SNX29: variants seen among roughly 807,000 people sequenced by gnomAD.
SNX29 encodes sorting nexin 29, also known as sorting nexin-29.
SNX29 carries 78 observed loss-of-function variants against 102.1 expected under a neutral mutation model. That is an observed-to-expected ratio of 0.76 (90% CI 0.64 to 0.92). The LOEUF (loss-of-function observed/expected upper bound fraction) is 0.92, where lower values mean the gene tolerates loss of function less well. SNX29 is among the 40% of genes least tolerant of loss of function. The pLI, the probability that SNX29 is intolerant of heterozygous loss-of-function variation, is 0.00. For missense variants in SNX29, 1,280 were observed against 1,061.7 expected, an observed-to-expected ratio of 1.21 and a Z score of -2.86; for synonymous variants, 580 against 414.5, an observed-to-expected ratio of 1.40 and a Z score of -4.85.
chr16:12,507,899 C>G lies in SNX29; in HGVS notation c.2179-16803C>G, dbSNP rs188161421. ...ATGGCACCAGGCACACGGTCAAGGC[C>G]AAGTCAAGGGCTTTTAATTGAATGG... is the stretch of plus-strand genomic sequence containing the variant. On this transcript the variant is annotated intron_variant, in intron 19 of 20. Transcript: ENST00000566228. 3.9e-4 allele frequency among the ~76,000 whole-genome samples: 59 copies of G among 152,270 alleles called. 1 individual carries two copies. Among genetic ancestry groups the G allele is most frequent in the South Asian group, 2.1e-4 (1 of 4,826 alleles).
rs1049527313 is a variant in SNX29 at position 12,070,589 on chromosome 16, C to T, written c.1319+1457C>T. Among the ~76,000 whole-genome samples the T allele has an allele frequency of 5.9e-5, 9 of 151,650 alleles. No homozygotes were observed. The East Asian group carries it at 9.6e-4, about 16-fold the overall frequency. ...ATCCAGTCTATCTTTGTTGGACATTCGGGTTGGTTCCAAGTCTTTGCTATT... is the reference window on the plus strand; with the variant it reads ...ATCCAGTCTATCTTTGTTGGACATTTGGGTTGGTTCCAAGTCTTTGCTATT... On this transcript the variant is annotated intron_variant, in intron 10 of 20. Transcript: ENST00000566228.
At chr16:12,327,757 A>G (rs975783730) in intron 15 of SNX29, among the ~76,000 whole-genome samples, 3 of 152,130 alleles carry the variant, frequency 2.0e-5, no homozygotes, top group African/African-American at 7.2e-5. Flanking sequence ...ACCAGAAGTC[A>G]GGCTGTTGAT....
At chr16:12,208,166 A>G (rs1405489370) in intron 14 of SNX29, among the ~76,000 whole-genome samples, 1 of 152,172 alleles carries the variant, frequency 6.6e-6, no homozygotes, top group Admixed American at 6.5e-5. Flanking sequence ...CACTCTGCTC[A>G]CATTCCATGG....
intron 15 of SNX29, among the ~76,000 whole-genome samples, chr16:12,354,664 G>A (rs1347484182): frequency 1.3e-5 from 2 of 152,192 alleles, no homozygotes; most frequent in Non-Finnish European, 2.9e-5. Context: ...CGTGGTGAAT[G>A]GATTCACAGC....
intron 11 of SNX29, among the ~76,000 whole-genome samples, chr16:12,084,825 T>G (rs2052083895): frequency 6.6e-6 from 1 of 152,110 alleles, no homozygotes; most frequent in Non-Finnish European, 1.5e-5. Context: ...TCCCAGCACT[T>G]TGGGAGGCCA....
intron 3 of SNX29, among the ~76,000 whole-genome samples, chr16:12,014,650 T>C (rs562174490): frequency 6.7e-6 from 1 of 148,658 alleles, no homozygotes; most frequent in South Asian, 2.1e-4. Context: ...AAGAATTGCT[T>C]GAACCTGGGA....
rs2432631 is a variant in SNX29, at chr16:12,365,358, G to A, written c.1899+9079G>A. On this transcript the variant is annotated intron_variant, in intron 16 of 20. Transcript: ENST00000566228. ...TGTGTGTGTGTGTGTGTGTGTGTGT[G>A]TGTGTGTTTAGCATACTCATCACAT... Among the ~76,000 whole-genome samples, 73 of 150,448 alleles carry A rather than the reference G, an allele frequency of 4.9e-4. 1 individual carries two copies. The highest frequency in any genetic ancestry group is 3.4e-3 in the Middle Eastern group (1 of 294).
chr16:12,557,734 G>C (rs912866594), intron 20 of SNX29: 1 of 152,204 alleles, frequency 6.6e-6, no homozygotes, highest in Admixed American at 6.5e-5. Context: ...TGCAGGAGTA[G>C]TGCACTGCAT....
chr16:12,116,005 T>A (rs775201028), intron 11 of SNX29, among the ~76,000 whole-genome samples: 12 of 152,244 alleles, frequency 7.9e-5, no homozygotes, highest in Non-Finnish European at 1.6e-4. Flanking sequence ...ATATTTGGAT[T>A]CATTGTGGTG....
intron 14 of SNX29, among the ~76,000 whole-genome samples, chr16:12,213,834 G>A (rs2077250968): frequency 6.6e-6 from 1 of 152,202 alleles, no homozygotes; most frequent in Non-Finnish European, 1.5e-5. Flanking sequence ...TTGCAAGGTG[G>A]GCTGGGAGAC....
At chr16:12,436,688 A>T (rs1191300596) in intron 18 of SNX29, among the ~76,000 whole-genome samples, 2 of 152,214 alleles carry the variant, frequency 1.3e-5, no homozygotes. Flanking sequence ...CTTTTGAGAC[A>T]CAGTGTTGCC....
intron 14 of SNX29, among the ~76,000 whole-genome samples, chr16:12,223,104 T>A (rs2077520750): frequency 6.6e-6 from 1 of 152,226 alleles, no homozygotes; most frequent in Non-Finnish European, 1.5e-5. Context: ...GTTGTCATTA[T>A]GAGTAGGGTT....
At chr16:12,564,782 CAGCT>C (rs1409304155) in intron 20 of SNX29, among the ~76,000 whole-genome samples, 1 of 151,686 alleles carries the variant, frequency 6.6e-6, no homozygotes, top group African/African-American at 2.4e-5. Flanking sequence ...TGATTGCAGC[CAGCT>C]AAGAAATGGT....
At chr16:12,381,091 CCATCCAT>C (rs1206333430) in intron 16 of SNX29, among the ~76,000 whole-genome samples, 2 of 29,072 alleles carry the variant, frequency 6.9e-5, no homozygotes, top group Non-Finnish European at 6.9e-5. Context: ...CACCCACCCA[CCATCCAT>C]CCACCCACCC....
Position 12,547,819 on chromosome 16 carries a change from C to T in SNX29, c.2319-20687C>T, listed in dbSNP as rs140156513. 3.2e-3 allele frequency among the ~76,000 whole-genome samples: 492 copies of T among 152,320 alleles called. 2 individuals are homozygous for T. Among genetic ancestry groups the T allele is most frequent in the African/African-American group, 8.9e-3 (370 of 41,568 alleles). ...TGGGCTCAAGAATGCTCTGCAGGGA[C>T]AGCCTTACTGAGCCCCAGATTCCAA... On this transcript the variant is annotated intron_variant, in intron 20 of 20. Coordinates refer to ENST00000566228, the MANE Select transcript of SNX29 (RefSeq NM_032167.5).
intron 14 of SNX29, among the ~76,000 whole-genome samples, chr16:12,275,998 C>G (rs1021010503): frequency 1.3e-5 from 2 of 149,394 alleles, no homozygotes; most frequent in Non-Finnish European, 3.0e-5. Context: ...GTTTAAGTGA[C>G]TCTTCTGCTT....
In SNX29 at chr16:12,551,359, C is replaced by G. The variant is rs1044484697; in HGVS notation, c.2319-17147C>G. Reference sequence around the variant, plus strand: ...TGGAATCATTCTTTTGGGGGCTAGTCTTTCCATTTGCAGAACTTCCCCAAC... The same window carrying G: ...TGGAATCATTCTTTTGGGGGCTAGTGTTTCCATTTGCAGAACTTCCCCAAC... On this transcript the variant is annotated intron_variant, in intron 20 of 20. Transcript: ENST00000566228. 3.3e-5 allele frequency among the ~76,000 whole-genome samples: 5 copies of G among 152,190 alleles called. No individual in the cohort carries two copies. The East Asian group carries it at 5.8e-4, about 18-fold the overall frequency.
intron 11 of SNX29, among the ~76,000 whole-genome samples, chr16:12,123,479 A>G (rs2054066642): frequency 6.6e-6 from 1 of 152,186 alleles, no homozygotes; most frequent in Non-Finnish European, 1.5e-5. Flanking sequence ...ATACATATAC[A>G]TCATATACAT....
chr16:11,993,617 G>A (rs2150995243), intron 1 of SNX29, among the ~76,000 whole-genome samples: 1 of 152,230 alleles, frequency 6.6e-6, no homozygotes. Context: ...CCTGAAGGAG[G>A]GAGGTTAAGT....
Sources: allele counts gnomAD v4.1 joint callset (sites outside exome capture counted in the v4.1 genomes callset), GRCh38; gene constraint gnomAD v4.1.1; transcripts MANE v1.5; gene names NCBI Gene and HGNC (gene_info 2026-07-23, HGNC 2026-07-21).